Variants in TMEFF2 observed in about 807,000 individuals in gnomAD.
The protein encoded by TMEFF2 is transmembrane protein with EGF like and two follistatin like domains 2.
A neutral mutation model predicts 53.8 loss-of-function variants in TMEFF2; 28 were observed. The observed-to-expected ratio is 0.52, with a 90% confidence interval of 0.39 to 0.71. The LOEUF (loss-of-function observed/expected upper bound fraction) is 0.71, where lower values mean the gene tolerates loss of function less well. Among genes scored for constraint, TMEFF2 ranks in the 30% least tolerant of loss-of-function variants. TMEFF2 has a pLI of 0.00. For missense variants in TMEFF2, 353 were observed against 455.2 expected, an observed-to-expected ratio of 0.78 and a Z score of 2.04; for synonymous variants, 162 against 166.3, an observed-to-expected ratio of 0.97 and a Z score of 0.20.
At chr2:192,185,533 G>A (rs938074542) in intron 2 of TMEFF2, among the ~76,000 whole-genome samples, 1 of 151,948 alleles carries the variant, frequency 6.6e-6, no homozygotes, top group East Asian at 1.9e-4. Flanking sequence ...GATGTGCTGT[G>A]AGTTCAGAAT....
Position 191,950,156 on chromosome 2 carries a change from T to TAATC in TMEFF2, c.*151_*154dup. On this transcript the variant is annotated 3_prime_UTR_variant, in exon 10 of 10. Transcript: ENST00000272771. ...ATACTATTTCAAATATATCCATACA[T>TAATC]AATCAAATATAGCTGTAGTACATGT... 1 of 1,431,740 alleles carries TAATC rather than the reference T, an allele frequency of 7.0e-7. No homozygotes were observed. The highest frequency in any genetic ancestry group is 9.1e-7 in the Non-Finnish European group (1 of 1,096,304). 88.7% of individuals were successfully genotyped at this position (1,431,740 alleles called of 1,614,324 possible). A position where few individuals can be genotyped will look rare whatever the true frequency, so the allele number is the denominator to read the frequency against.
intron 4 of TMEFF2, among the ~76,000 whole-genome samples, chr2:192,114,339 TAAATA>T (rs1419047884): frequency 1.3e-5 from 2 of 149,576 alleles, no homozygotes; most frequent in African/African-American, 2.5e-5. Context: ...ATATTTGGAA[TAAATA>T]AAATATAAAT....
At chr2:192,162,042 G>A (rs1416301827) in intron 4 of TMEFF2, among the ~76,000 whole-genome samples, 4 of 152,164 alleles carry the variant, frequency 2.6e-5, no homozygotes, top group Non-Finnish European at 5.9e-5. Flanking sequence ...ATAGAAGGAT[G>A]CCTCAGGCTG....
chr2:192,071,489 G>A (rs570353801), intron 4 of TMEFF2, among the ~76,000 whole-genome samples: 16 of 151,818 alleles, frequency 1.1e-4, no homozygotes, highest in African/African-American at 3.1e-4. Context: ...AACCTGAAAC[G>A]TGTCAATTTC....
At chr2:192,086,103 C>T (rs778121384) in intron 4 of TMEFF2, among the ~76,000 whole-genome samples, 79 of 152,060 alleles carry the variant, frequency 5.2e-4, no homozygotes, top group Admixed American at 2.6e-3. Context: ...TCTGTATCTT[C>T]GGCCATTAAT....
chr2:192,093,673 A>G (rs772350784), intron 4 of TMEFF2, among the ~76,000 whole-genome samples: 2 of 152,106 alleles, frequency 1.3e-5, no homozygotes, highest in Admixed American at 6.6e-5. Flanking sequence ...AAATTGTATC[A>G]TCTGATAATG....
chr2:192,131,629 CA>C, intron 4 of TMEFF2, among the ~76,000 whole-genome samples: 1 of 152,040 alleles, frequency 6.6e-6, no homozygotes, highest in East Asian at 1.9e-4. Context: ...TTCTGGAGGG[CA>C]AGAAACCCCC....
At chr2:192,006,444 G>A (rs1456971868) in intron 5 of TMEFF2, among the ~76,000 whole-genome samples, 1 of 152,130 alleles carries the variant, frequency 6.6e-6, no homozygotes, top group African/African-American at 2.4e-5. Context: ...GAGACTGATG[G>A]CCACATATTG....
chr2:192,143,725 A>AG (rs1241420854), intron 4 of TMEFF2, among the ~76,000 whole-genome samples: 10 of 152,112 alleles, frequency 6.6e-5, no homozygotes, highest in Non-Finnish European at 1.0e-4. Flanking sequence ...TCCCCATGAC[A>AG]ACCACACATT....
chr2:192,101,008 C>T (rs1047922555), intron 4 of TMEFF2, among the ~76,000 whole-genome samples: 21 of 152,214 alleles, frequency 1.4e-4, no homozygotes, highest in South Asian at 6.2e-4. Context: ...TCCTTCCTCT[C>T]GCTTATTATA....
intron 5 of TMEFF2, among the ~76,000 whole-genome samples, chr2:192,046,136 G>A (rs962564651): frequency 6.6e-6 from 1 of 152,084 alleles, no homozygotes; most frequent in Non-Finnish European, 1.5e-5. Flanking sequence ...AGGCTGAGGT[G>A]GGTGGATCAC....
chr2:192,130,877 G>A (rs62180403), intron 4 of TMEFF2, among the ~76,000 whole-genome samples: 60,623 of 150,938 alleles, frequency 0.4, 13,535 homozygotes, highest in Non-Finnish European at 0.52. Context: ...AGAAGGGGTT[G>A]GGGTACTTGC....
intron 5 of TMEFF2, among the ~76,000 whole-genome samples, chr2:192,034,278 A>G (rs1263351345): frequency 6.6e-6 from 1 of 152,142 alleles, no homozygotes; most frequent in Non-Finnish European, 1.5e-5. Flanking sequence ...CACAAATCTT[A>G]GAATTCCAGT....
intron 5 of TMEFF2, among the ~76,000 whole-genome samples, chr2:192,013,192 C>A (rs951121380): frequency 6.6e-6 from 1 of 152,122 alleles, no homozygotes; most frequent in African/African-American, 2.4e-5. Context: ...CCTGTGTGAT[C>A]CGGCTCTTGA....
At chr2:192,145,526 C>G (rs1013232743) in intron 4 of TMEFF2, among the ~76,000 whole-genome samples, 1 of 150,954 alleles carries the variant, frequency 6.6e-6, no homozygotes, top group Non-Finnish European at 1.5e-5. Context: ...TACAATGTAA[C>G]GTTTTGAAAG....
At chr2:192,042,210 A>G (rs1249009674) in intron 5 of TMEFF2, among the ~76,000 whole-genome samples, 1 of 152,120 alleles carries the variant, frequency 6.6e-6, no homozygotes, top group Admixed American at 6.5e-5. Flanking sequence ...CAAAAAAAAA[A>G]AATCACTGAT....
chr2:192,071,220 G>A (rs1688287138), intron 4 of TMEFF2, among the ~76,000 whole-genome samples: 1 of 151,828 alleles, frequency 6.6e-6, no homozygotes, highest in Non-Finnish European at 1.5e-5. Flanking sequence ...CAGGTCCTCT[G>A]GTGACTACAA....
At chr2:192,037,585 TG>T (rs1687351805) in intron 5 of TMEFF2, among the ~76,000 whole-genome samples, 1 of 148,150 alleles carries the variant, frequency 6.7e-6, no homozygotes, top group Non-Finnish European at 1.5e-5. Context: ...TGTGTGTGTG[TG>T]TGTGTGTGTT....
intron 7 of TMEFF2, among the ~76,000 whole-genome samples, chr2:191,973,010 C>T (rs115911489): frequency 2.2e-3 from 339 of 152,136 alleles, no homozygotes; most frequent in African/African-American, 7.2e-3. Flanking sequence ...CTTACAGCTA[C>T]GTGATATCTA....
Sources: gnomAD v4.1 joint callset for allele counts (sites outside exome capture counted in the v4.1 genomes callset) on GRCh38, gnomAD v4.1.1 for gene constraint, MANE v1.5 for transcripts, NCBI Gene and HGNC (gene_info 2026-07-23, HGNC 2026-07-21) for gene names.